Variants in RMDN1 observed in about 807,000 individuals in gnomAD.
RMDN1 encodes the protein regulator of microtubule dynamics protein 1.
Under a neutral mutation model 48.9 loss-of-function variants are expected in RMDN1, and 48 were observed. That is an observed-to-expected ratio of 0.98 (90% CI 0.78 to 1.25). RMDN1 has a LOEUF of 1.25. Ranked by LOEUF, RMDN1 falls within the 50% of genes most tolerant of loss-of-function variation. RMDN1 has a pLI of 0.00. For synonymous variants in RMDN1, 148 were observed against 132.6 expected, an observed-to-expected ratio of 1.12 and a Z score of -0.80; for missense variants, 418 against 373.4, an observed-to-expected ratio of 1.12 and a Z score of -0.98.
chr8:86,491,807 A>AT (rs887720729), intron 2 of RMDN1, among the ~76,000 whole-genome samples: 2 of 152,100 alleles, frequency 1.3e-5, no homozygotes, highest in African/African-American at 2.4e-5. Context: ...GTAAACTTTG[A>AT]TTTTTTACTT....
Position 86,472,491 on chromosome 8 carries a change from A to AAATT in RMDN1, c.*1813_*1816dup, listed in dbSNP as rs1411982824. The AAATT allele has an allele frequency of 5.7e-6, 4 of 702,380 alleles. No homozygotes were observed. Among genetic ancestry groups the AAATT allele is most frequent in the Non-Finnish European group, 1.0e-5 (4 of 384,966 alleles). The allele number at this position is 702,380 out of a possible 1,614,324, so 43.5% of individuals were successfully genotyped here. ...CTGTTTCTCTTCACCTACAAAAATA[A>AAATT]AATTACAGTATACAATAACCTTTTA... On this transcript the variant is annotated 3_prime_UTR_variant, in exon 10 of 10. Transcript: ENST00000406452.
chr8:86,486,328 A>C (rs1338132463), intron 4 of RMDN1, among the ~76,000 whole-genome samples, 156 bp downstream of exon 4: 6 of 152,210 alleles, frequency 3.9e-5, no homozygotes, highest in Admixed American at 3.3e-4. Flanking sequence ...CTACTTCTTT[A>C]AAATAGAGAA....
At chr8:86,486,229 G>A (rs1226799443) in intron 4 of RMDN1, among the ~76,000 whole-genome samples, 2 of 152,072 alleles carry the variant, frequency 1.3e-5, no homozygotes, top group Non-Finnish European at 2.9e-5. Context: ...ATTCACAAAA[G>A]TAATTTATCA....
chr8:86,480,277 C>T lies in RMDN1; in HGVS notation c.641G>A (p.Trp214Ter). The T allele has an allele frequency of 6.6e-7, 1 of 1,507,090 alleles. No individual in the cohort carries two copies. Among genetic ancestry groups the T allele is most frequent in the Non-Finnish European group, 9.0e-7 (1 of 1,107,418 alleles). 93.4% of individuals were successfully genotyped at this position (1,507,090 alleles called of 1,614,324 possible). A position where few individuals can be genotyped will look rare whatever the true frequency, so the allele number is the denominator to read the frequency against. ...GAAATATTTAAAGAAATTTTCTTAC[C>T]AAATACCCATAAGGTGAATTGAAGT... ...DATSIHLMGI[W>*]CYTFAEMPWY... is the part of the protein sequence containing the mutation. Residue 214 changes from tryptophan to a stop codon, truncating the protein, a stop_gained and splice_region_variant, in exon 6 of 10, where the codon TGG becomes TAG. Transcript: ENST00000406452. LOFTEE classifies it high-confidence loss of function.
At chr8:86,498,459 G>A (rs1817718155) in intron 2 of RMDN1, among the ~76,000 whole-genome samples, 1 of 152,064 alleles carries the variant, frequency 6.6e-6, no homozygotes, top group South Asian at 2.1e-4. Flanking sequence ...CAATGGAAAA[G>A]GAAAACTTCA....
At chr8:86,470,733 C>T (rs536370459), downstream of RMDN1, among the ~76,000 whole-genome samples, 2 of 152,124 alleles carry the variant, frequency 1.3e-5, no homozygotes, top group East Asian at 3.9e-4. Context: ...ATTGATAGAA[C>T]TTAGGTCTCA....
At chr8:86,484,783 T>C in intron 5 of RMDN1, 89 bp downstream of exon 5, 2 of 669,098 alleles carry the variant, frequency 3.0e-6, no homozygotes, top group African/African-American at 1.8e-5. Flanking sequence ...CATAGGTGGT[T>C]TGATATACAG....
chr8:86,511,165 A>T (rs532084109), upstream of RMDN1, among the ~76,000 whole-genome samples: 9 of 148,652 alleles, frequency 6.1e-5, no homozygotes, highest in African/African-American at 1.7e-4. Context: ...CACCGTCTTT[A>T]AAAAAAAAAG....
Position 86,474,339 on chromosome 8 carries a change from T to C in RMDN1, c.914A>G (p.Gln305Arg), listed in dbSNP as rs757364223. Residue 305 changes from glutamine (Q) to arginine (R), a missense_variant, in exon 10 of 10, where the codon CAG becomes CGG. Gln to Arg is a conservative substitution (Grantham distance 43). Coordinates refer to ENST00000406452, the MANE Select transcript of RMDN1 (RefSeq NM_016033.3). The stretch of plus-strand genomic sequence containing the variant: ...CTTCTCACTGAAACTTGTAAGCAAC[T>C]GAGCAGCTTCTGTCTGTATCTAAAA... ...EDKQIQTEAA[Q>R]LLTSFSEKN 3 of 1,613,270 alleles carry C rather than the reference T, an allele frequency of 1.9e-6. No homozygotes were observed. The South Asian group carries it at 3.3e-5, about 18-fold the overall frequency.
At chr8:86,508,839 T>C (rs1819872184), upstream of RMDN1, 3 of 1,258,580 alleles carry the variant, frequency 2.4e-6, no homozygotes, top group Non-Finnish European at 3.0e-6. Flanking sequence ...TAATGGACTT[T>C]CCGCGCCTGC....
chr8:86,481,317 A>C (rs1814376357), intron 5 of RMDN1, among the ~76,000 whole-genome samples: 1 of 152,156 alleles, frequency 6.6e-6, no homozygotes. Context: ...CTTAACTCAT[A>C]AGGTTGTGGT....
intron 2 of RMDN1, among the ~76,000 whole-genome samples, chr8:86,491,738 C>A (rs914828911): frequency 2.0e-5 from 3 of 152,132 alleles, no homozygotes; most frequent in African/African-American, 7.2e-5. Flanking sequence ...TGTGCAAGAT[C>A]ATAATAATTA....
intron 2 of RMDN1, among the ~76,000 whole-genome samples, chr8:86,499,609 C>T (rs1451247022): frequency 6.6e-6 from 1 of 152,184 alleles, no homozygotes; most frequent in Non-Finnish European, 1.5e-5. Flanking sequence ...AATGGTCTTA[C>T]TGCCCAAAGC....
intron 2 of RMDN1, among the ~76,000 whole-genome samples, chr8:86,500,282 T>A (rs1817994386): frequency 6.6e-6 from 1 of 152,118 alleles, no homozygotes; most frequent in Non-Finnish European, 1.5e-5. Flanking sequence ...AAACTATGCA[T>A]CTGACAAAGG....
Position 86,477,416 on chromosome 8 carries a change from ATATTT to A in RMDN1, c.730-97_730-93del. ...TGTCTCAAAGATCTACTGCTATATT[ATATTT>A]AAGTCAGGAAGTAAATCATCTTAAA... On this transcript the variant is annotated intron_variant, in intron 7 of 9. Transcript: ENST00000406452. 4 of 989,036 alleles carry A rather than the reference ATATTT, an allele frequency of 4.0e-6. No homozygotes were observed. The South Asian group carries it at 7.0e-5, about 17-fold the overall frequency. 61.3% of individuals were successfully genotyped at this position (989,036 alleles called of 1,614,324 possible).
intron 2 of RMDN1, among the ~76,000 whole-genome samples, chr8:86,506,340 G>C (rs1363202933): frequency 2.0e-5 from 3 of 152,028 alleles, no homozygotes; most frequent in African/African-American, 7.2e-5. Context: ...ATTTTTTTCT[G>C]AACGATTATT....
chr8:86,489,385 C>A (rs1586679985), intron 2 of RMDN1, among the ~76,000 whole-genome samples: 1 of 152,090 alleles, frequency 6.6e-6, no homozygotes, highest in South Asian at 2.1e-4. Flanking sequence ...ATGAAAAAAA[C>A]AGTCTGAATT....
rs192685234 is a variant in RMDN1 at position 86,495,562 on chromosome 8, G to A, written c.248-6923C>T. The stretch of plus-strand genomic sequence containing the variant: ...GAGAGAGCAGGGCTGTCTTGTGCAC[G>A]GAATGGGGCCTATCTCATCTGAACA... On this transcript the variant is annotated intron_variant, in intron 2 of 9. Coordinates refer to ENST00000406452, the MANE Select transcript of RMDN1 (RefSeq NM_016033.3). 1.8e-4 allele frequency among the ~76,000 whole-genome samples: 28 copies of A among 152,232 alleles called. No homozygotes were observed. The East Asian group carries it at 4.1e-3, about 22-fold the overall frequency.
At position 86,508,557 on chromosome 8, in the gene RMDN1, G is replaced by A. The variant is rs375542813; in HGVS notation, c.64C>T (p.Arg22Cys). The change falls in exon 1 of 10, where the codon CGT becomes TGT. Residue 22 changes from arginine to cysteine, a missense_variant. Arg to Cys is a radical substitution (Grantham distance 180). Coordinates refer to ENST00000406452, the MANE Select transcript of RMDN1 (RefSeq NM_016033.3). ...PFRRGAAPGS[R>C]LPAGTSGSRG... ...CTGCCCGAAGTCCCCGCAGGGAGAC[G>A]AGACCCCGGGGCGGCTCCACGTCGG... is the stretch of plus-strand genomic sequence containing the variant. The A allele has an allele frequency of 1.7e-5, 27 of 1,597,394 alleles. No homozygotes were observed. The African/African-American group carries it at 3.2e-4, about 19-fold the overall frequency.
Sources: gnomAD v4.1 joint callset for allele counts (sites outside exome capture counted in the v4.1 genomes callset) on GRCh38, gnomAD v4.1.1 for gene constraint, MANE v1.5 for transcripts, NCBI Gene and HGNC (gene_info 2026-07-23, HGNC 2026-07-21) for gene names.